The following POU2F1 variants were observed in gnomAD, a reference collection of about 807,000 sequenced individuals.
The protein encoded by POU2F1 is POU domain, class 2, transcription factor 1.
A neutral mutation model predicts 84.9 loss-of-function variants in POU2F1; 16 were observed. The observed-to-expected ratio is 0.19, with a 90% CI of 0.13 to 0.29. The LOEUF is 0.29. Ranked by LOEUF, POU2F1 falls within the 10% of genes least tolerant of loss-of-function variation. The pLI, the probability that POU2F1 is intolerant of heterozygous loss-of-function variation, is 1.00. For missense variants in POU2F1, 738 were observed against 942.6 expected (o/e 0.78, Z 2.84); for synonymous variants, 368 against 368.3 (o/e 1.00, Z 0.01).
intron 1 of POU2F1, among the ~76,000 whole-genome samples, chr1:167,320,547 G>A (rs570485080): frequency 1.3e-5 from 2 of 152,256 alleles, no homozygotes; most frequent in African/African-American, 4.8e-5. Flanking sequence ...TTGTAAGAGG[G>A]ACAATAATTT....
intron 2 of POU2F1, among the ~76,000 whole-genome samples, chr1:167,342,853 A>G (rs1657950972): frequency 6.6e-6 from 1 of 152,202 alleles, no homozygotes; most frequent in Admixed American, 6.5e-5. Context: ...AGCTGCTCTT[A>G]TAAGCCTGAG....
chr1:167,246,935 A>C (rs1406659906), intron 1 of POU2F1, among the ~76,000 whole-genome samples: 6 of 152,300 alleles, frequency 3.9e-5, no homozygotes, highest in Non-Finnish European at 7.4e-5. Flanking sequence ...ATTAGTTTAT[A>C]CTTTTAGATG....
At chr1:167,267,560 C>A (rs1466971117) in intron 1 of POU2F1, among the ~76,000 whole-genome samples, 3 of 148,600 alleles carry the variant, frequency 2.0e-5, no homozygotes, top group Non-Finnish European at 3.0e-5. Context: ...CATTGTTCTT[C>A]ATCTGAAGTT....
At chr1:167,224,657 T>G (rs1373457946) in intron 1 of POU2F1, among the ~76,000 whole-genome samples, 1 of 152,198 alleles carries the variant, frequency 6.6e-6, no homozygotes, top group African/African-American at 2.4e-5. Flanking sequence ...TAAAATTCCC[T>G]GAGAATGTGA....
At chr1:167,361,525 C>T (rs1377322047) in intron 2 of POU2F1, among the ~76,000 whole-genome samples, 1 of 152,148 alleles carries the variant, frequency 6.6e-6, no homozygotes, top group Non-Finnish European at 1.5e-5. Context: ...ATAAAGCCCA[C>T]TTGATCATGG....
At chr1:167,235,009 C>T (rs1306218391) in intron 1 of POU2F1, among the ~76,000 whole-genome samples, 2 of 152,196 alleles carry the variant, frequency 1.3e-5, no homozygotes, top group South Asian at 2.1e-4. Flanking sequence ...CCATACCAAG[C>T]TGTTACTAAA....
chr1:167,271,777 T>C (rs957214074), intron 1 of POU2F1, among the ~76,000 whole-genome samples: 1 of 152,142 alleles, frequency 6.6e-6, no homozygotes, highest in African/African-American at 2.4e-5. Flanking sequence ...TCCACAAACA[T>C]TGGAAATAAT....
chr1:167,312,567 TTAAA>T, intron 1 of POU2F1, among the ~76,000 whole-genome samples: 2 of 152,214 alleles, frequency 1.3e-5, no homozygotes, highest in Non-Finnish European at 2.9e-5. Context: ...AGTTTATAAA[TTAAA>T]TAAGTTACAG....
chr1:167,324,185 A>G (rs890757444), intron 1 of POU2F1, among the ~76,000 whole-genome samples: 3 of 152,228 alleles, frequency 2.0e-5, no homozygotes, highest in African/African-American at 7.2e-5. Flanking sequence ...ATAGAAAAGC[A>G]TTATGGACTC....
chr1:167,378,517 C>T (rs1660485594), intron 7 of POU2F1, among the ~76,000 whole-genome samples: 1 of 151,758 alleles, frequency 6.6e-6, no homozygotes, highest in Admixed American at 6.6e-5. Flanking sequence ...AGCGATTCTC[C>T]TGTCTCAGCC....
At chr1:167,374,839 G>A (rs563094356) in intron 6 of POU2F1, among the ~76,000 whole-genome samples, 85 of 152,202 alleles carry the variant, frequency 5.6e-4, no homozygotes, top group Non-Finnish European at 9.4e-4. Context: ...AGGCCGAGGC[G>A]GGCGGATCAC....
At position 167,251,431 on chromosome 1, in the gene POU2F1, TTAAGC is replaced by T. The variant is rs572165073; in HGVS notation, c.61+30477_61+30481del. On this transcript the variant is annotated intron_variant, in intron 1 of 15. Transcript: ENST00000367866. Reference sequence around the variant, plus strand: ...CAAACAAATAAATAAATAAATAAAATTAAGCTAATCTTGAATTCATTTGTACTTAA... The same window carrying T: ...CAAACAAATAAATAAATAAATAAAATTAATCTTGAATTCATTTGTACTTAA... Among the ~76,000 whole-genome samples the T allele has an allele frequency of 3.9e-3, 587 of 152,110 alleles. 3 individuals are homozygous for T. The highest frequency in any genetic ancestry group is 0.019 in the South Asian group (92 of 4,822).
Position 167,364,720 on chromosome 1 carries a change from G to A in POU2F1, c.128-747G>A, listed in dbSNP as rs528105083. 7.3e-5 allele frequency among the ~76,000 whole-genome samples: 11 copies of A among 150,868 alleles called. No individual in the cohort carries two copies. In the South Asian group the frequency reaches 1.7e-3, roughly 23 times the overall value. Reference sequence around the variant, plus strand: ...CTCTGGAGTAGCTGGGACTTCAGGCGCACACCACCACACACCTGGCCGATT... The same window carrying A: ...CTCTGGAGTAGCTGGGACTTCAGGCACACACCACCACACACCTGGCCGATT... On this transcript the variant is annotated intron_variant, in intron 2 of 15. Coordinates refer to ENST00000367866, the MANE Select transcript of POU2F1 (RefSeq NM_002697.4).
intron 2 of POU2F1, among the ~76,000 whole-genome samples, chr1:167,362,568 G>GT (rs2101821524): frequency 6.6e-6 from 1 of 152,260 alleles, no homozygotes; most frequent in Admixed American, 6.5e-5. Context: ...CCTTTTTGCA[G>GT]TGGCATGATC....
chr1:167,391,137 G>A (rs1213596170), intron 9 of POU2F1, among the ~76,000 whole-genome samples: 1 of 152,052 alleles, frequency 6.6e-6, no homozygotes, highest in African/African-American at 2.4e-5. Context: ...ACAGGGTCTC[G>A]CTATGTTGGC....
chr1:167,313,897 C>T (rs181423541), intron 1 of POU2F1, among the ~76,000 whole-genome samples: 44 of 152,254 alleles, frequency 2.9e-4, no homozygotes, highest in African/African-American at 7.9e-4. Context: ...CCTAAGGAAA[C>T]GATTCATTAG....
intron 1 of POU2F1, among the ~76,000 whole-genome samples, chr1:167,300,813 C>G (rs1316511027): frequency 6.6e-6 from 1 of 152,004 alleles, no homozygotes; most frequent in Non-Finnish European, 1.5e-5. Context: ...CTCTGTTGCC[C>G]AGGCTGGAGT....
chr1:167,351,355 CAAAA>C (rs1159250643), intron 2 of POU2F1, among the ~76,000 whole-genome samples: 1 of 150,824 alleles, frequency 6.6e-6, no homozygotes, highest in Non-Finnish European at 1.5e-5. Flanking sequence ...AACTCTGTCT[CAAAA>C]CAAACAAAAT....
At chr1:167,299,163 CAA>C (rs71073663) in intron 1 of POU2F1, among the ~76,000 whole-genome samples, 1,466 of 96,694 alleles carry the variant, frequency 0.015, 7 homozygotes, top group African/African-American at 0.039. Flanking sequence ...AACGCCATCT[CAA>C]AAAAAAAAAA....
Sources: gnomAD v4.1 joint callset for allele counts (sites outside exome capture counted in the v4.1 genomes callset) on GRCh38, gnomAD v4.1.1 for gene constraint, MANE v1.5 for transcripts, NCBI Gene and HGNC (gene_info 2026-07-23, HGNC 2026-07-21) for gene names.